UGGT1: variants seen among roughly 807,000 people sequenced by gnomAD.
The protein encoded by UGGT1 is UDP-glucose glycoprotein glucosyltransferase 1, also known as UDP-glucose:glycoprotein glucosyltransferase 1.
Under a neutral mutation model 203.9 loss-of-function variants are expected in UGGT1, and 107 were observed. The ratio of observed to expected loss-of-function variants is 0.52; its 90% CI spans 0.45 to 0.62. The LOEUF (loss-of-function observed/expected upper bound fraction) is 0.62. Among genes scored for constraint, UGGT1 ranks in the 20% least tolerant of loss-of-function variants. UGGT1 has a pLI of 0.00. For missense variants in UGGT1, 1,673 were observed against 1,867.2 expected (o/e 0.90, Z 1.92); for synonymous variants, 628 against 653.5 (o/e 0.96, Z 0.59).
At chr2:128,136,397 C>G (rs1689130572) in intron 15 of UGGT1, among the ~76,000 whole-genome samples, 1 of 152,022 alleles carries the variant, frequency 6.6e-6, no homozygotes, top group South Asian at 2.1e-4. Context: ...AAATCTTTGG[C>G]AACTACTGAT....
chr2:128,106,132 AG>A (rs1364387079), intron 3 of UGGT1, among the ~76,000 whole-genome samples: 1 of 105,382 alleles, frequency 9.5e-6, no homozygotes, highest in Non-Finnish European at 1.9e-5. Flanking sequence ...TTTTTTTTGG[AG>A]ATATAGATAT....
intron 1 of UGGT1, among the ~76,000 whole-genome samples, chr2:128,093,880 T>C (rs547051490): frequency 2.0e-5 from 3 of 152,354 alleles, no homozygotes; most frequent in African/African-American, 4.8e-5. Context: ...CTGTGCACTT[T>C]GGTAAACGAA....
intron 15 of UGGT1, among the ~76,000 whole-genome samples, chr2:128,136,352 G>A (rs1689129539): frequency 6.6e-6 from 1 of 152,156 alleles, no homozygotes; most frequent in Admixed American, 6.5e-5. Context: ...AAAATCTCCT[G>A]TGCTTCACTT....
chr2:128,156,320 C>A, intron 20 of UGGT1, 72 bp from the exon 21 acceptor site: 1 of 1,218,544 alleles, frequency 8.2e-7, no homozygotes, highest in Non-Finnish European at 1.2e-6. Flanking sequence ...TTTAGACTTT[C>A]AATTTTTACA....
At position 128,161,180 on chromosome 2, in the gene UGGT1, G is replaced by T; in HGVS notation, c.2737G>T (p.Asp913Tyr). Residue 913 changes from aspartate to tyrosine, a missense_variant, in exon 25 of 41, where the codon GAT (aspartate) becomes TAT (tyrosine). Physicochemically the swap from Asp to Tyr is radical, Grantham distance 160. Around this residue, in one of 4 missense-constraint regions of UGGT1, gnomAD observed 1,073 missense variants for 1,078.7 expected, o/e 0.99. Coordinates refer to ENST00000259253, the MANE Select transcript of UGGT1 (RefSeq NM_020120.4). Reference sequence around the variant, plus strand: ...GGATAGTGAGCTCTTTAATCAAGACGATTTCCACCTCCTCGAAAATATCAT... The same window carrying T: ...GGATAGTGAGCTCTTTAATCAAGACTATTTCCACCTCCTCGAAAATATCAT... ...LEDSELFNQD[D>Y]FHLLENIILK... The T allele has an allele frequency of 6.2e-7, 1 of 1,613,970 alleles. No homozygotes were observed. Among genetic ancestry groups the T allele is most frequent in the South Asian group, 1.1e-5 (1 of 91,070 alleles).
intron 31 of UGGT1, among the ~76,000 whole-genome samples, chr2:128,176,060 T>C (rs1376210332): frequency 6.6e-6 from 1 of 152,208 alleles, no homozygotes; most frequent in Non-Finnish European, 1.5e-5. Flanking sequence ...TGTTGACTGA[T>C]TGTTGCCTCC....
chr2:128,116,768 A>G (rs1688123038), intron 8 of UGGT1, among the ~76,000 whole-genome samples: 1 of 151,174 alleles, frequency 6.6e-6, no homozygotes. Flanking sequence ...CAAGTGATCC[A>G]CTCGCCTCAG....
At position 128,105,180 on chromosome 2, in the gene UGGT1, G is replaced by A. The variant is rs1465207926; in HGVS notation, c.277+1166G>A. Among the ~76,000 whole-genome samples the A allele has an allele frequency of 2.0e-5, 3 of 151,222 alleles. No homozygotes were observed. The East Asian group carries it at 5.8e-4, about 29-fold the overall frequency. On this transcript the variant is annotated intron_variant, in intron 3 of 40. Coordinates refer to ENST00000259253, the MANE Select transcript of UGGT1 (RefSeq NM_020120.4). The stretch of plus-strand genomic sequence containing the variant: ...TTACAGGCATGAACCACTGCACCTG[G>A]CCTGTATTGATTTTTTTAACTTTTT...
intron 18 of UGGT1, among the ~76,000 whole-genome samples, chr2:128,148,869 G>C (rs755688735): frequency 1.7e-4 from 26 of 152,116 alleles, no homozygotes; most frequent in Non-Finnish European, 2.8e-4. Context: ...ATACCCCCAG[G>C]GAAAAGGCTG....
intron 3 of UGGT1, among the ~76,000 whole-genome samples, chr2:128,105,909 T>G (rs912670519): frequency 6.6e-6 from 1 of 152,130 alleles, no homozygotes; most frequent in African/African-American, 2.4e-5. Context: ...GCAGTGTTCC[T>G]GCTTCATCTT....
intron 4 of UGGT1, among the ~76,000 whole-genome samples, chr2:128,108,647 A>G (rs1394145290): frequency 1.5e-5 from 2 of 136,512 alleles, no homozygotes; most frequent in African/African-American, 5.3e-5. Context: ...ATTTTTTATT[A>G]TAAAATAAAA....
At chr2:128,158,814 G>A (rs1316799468) in intron 22 of UGGT1, among the ~76,000 whole-genome samples, 1 of 152,176 alleles carries the variant, frequency 6.6e-6, no homozygotes, top group Non-Finnish European at 1.5e-5. Context: ...ATTGTACTAG[G>A]AATGTGGGAA....
intron 2 of UGGT1, among the ~76,000 whole-genome samples, chr2:128,103,650 T>C (rs1490162993): frequency 6.6e-6 from 1 of 152,108 alleles, no homozygotes; most frequent in Admixed American, 6.6e-5. Flanking sequence ...TAAGCTTTCT[T>C]TATATTGAGA....
chr2:128,104,186 T>C (rs1687503951), intron 3 of UGGT1, among the ~76,000 whole-genome samples, 172 bp downstream of exon 3: 1 of 152,258 alleles, frequency 6.6e-6, no homozygotes. Context: ...TTATTATTTT[T>C]GAAGCAATGT....
intron 3 of UGGT1, 65 bp downstream of exon 3, chr2:128,104,079 C>A: frequency 7.7e-7 from 1 of 1,295,804 alleles, no homozygotes; most frequent in Non-Finnish European, 1.1e-6. Context: ...AAAATTGTCT[C>A]TTTATAGTAT....
At chr2:128,166,953 A>T (rs1320727449) in intron 26 of UGGT1, among the ~76,000 whole-genome samples, 1 of 151,978 alleles carries the variant, frequency 6.6e-6, no homozygotes, top group Non-Finnish European at 1.5e-5. Flanking sequence ...GCGTGGTGAG[A>T]TCATTTGATG....
Position 128,113,158 on chromosome 2 carries a change from A to G in UGGT1, c.596A>G (p.Tyr199Cys). ...SNPESPVVIF[Y>C]SEIGSEEFSN... is the part of the protein sequence containing the mutation. ...CCTGAAAGCCCTGTGGTGATTTTCT[A>G]CTCTGAGATTGGCTCTGAGGAATTT... Residue 199 changes from tyrosine (Y) to cysteine (C), a missense_variant, in exon 6 of 41, where the codon TAC (tyrosine) becomes TGC (cysteine). Physicochemically the swap from Tyr to Cys is radical, Grantham distance 194. This residue lies in a region of UGGT1 where 1,073 missense variants were observed against 1,078.7 expected (regional missense o/e 0.99). Coordinates refer to ENST00000259253, the MANE Select transcript of UGGT1 (RefSeq NM_020120.4). 1.9e-6 allele frequency: 3 copies of G among 1,612,854 alleles called. No homozygotes were observed. Among genetic ancestry groups the G allele is most frequent in the South Asian group, 2.2e-5 (2 of 90,906 alleles).
chr2:128,174,228 C>A (rs1003126103), intron 30 of UGGT1, among the ~76,000 whole-genome samples: 2 of 151,902 alleles, frequency 1.3e-5, no homozygotes, highest in Non-Finnish European at 2.9e-5. Context: ...AACACTTATT[C>A]ATGCATCACA....
At chr2:128,156,498 C>A in intron 21 of UGGT1, 83 bp downstream of exon 21, 1 of 1,026,616 alleles carries the variant, frequency 9.7e-7, no homozygotes. Context: ...TTTATCAACA[C>A]TTAATTGTAC....
Sources: allele counts gnomAD v4.1 joint callset (sites outside exome capture counted in the v4.1 genomes callset), GRCh38; gene constraint gnomAD v4.1.1; regional missense constraint gnomAD v4.1.1; transcripts MANE v1.5; gene names NCBI Gene and HGNC (gene_info 2026-07-23, HGNC 2026-07-21).